Variants in NDC1 observed in about 807,000 individuals in gnomAD.
The protein encoded by NDC1 is nucleoporin NDC1.
In NDC1, 24 loss-of-function variants were observed where a neutral mutation model predicts 89.8. That is an observed-to-expected ratio of 0.27 (90% CI 0.19 to 0.38). The LOEUF (loss-of-function observed/expected upper bound fraction) is 0.38. NDC1 is among the 10% of genes least tolerant of loss of function. The pLI is 1.00. For synonymous variants in NDC1, 296 were observed against 284.8 expected, an observed-to-expected ratio of 1.04 and a Z score of -0.39; for missense variants, 728 against 797.6, an observed-to-expected ratio of 0.91 and a Z score of 1.05.
chr1:53,797,529 T>C (rs1349884345), intron 11 of NDC1, among the ~76,000 whole-genome samples: 1 of 152,254 alleles, frequency 6.6e-6, no homozygotes, highest in African/African-American at 2.4e-5. Context: ...TTTTAAGTAT[T>C]ACTTGACTGA....
At chr1:53,807,112 T>A (rs912043464) in intron 8 of NDC1, among the ~76,000 whole-genome samples, 15 of 151,842 alleles carry the variant, frequency 9.9e-5, no homozygotes, top group Admixed American at 9.8e-4. Context: ...CCGGGCATGG[T>A]GGCACACGCC....
rs76488837 is a variant in NDC1 at position 53,779,177 on chromosome 1, T to C, written c.1801-6688A>G. Among the ~76,000 whole-genome samples, 152 of 143,038 alleles carry C rather than the reference T, an allele frequency of 1.1e-3. 2 individuals are homozygous for C. In the East Asian group the frequency reaches 0.027, roughly 25 times the overall value. The allele number at this position is 143,038 out of a possible 152,430, so 93.8% of individuals were successfully genotyped here. A position where few individuals can be genotyped will look rare whatever the true frequency, so the allele number is the denominator to read the frequency against. ...TAACATAGGAATAATGACAACAAAGTAGTAAGAGCTAACATTTACTAAGCA... is the reference window on the plus strand; with the variant it reads ...TAACATAGGAATAATGACAACAAAGCAGTAAGAGCTAACATTTACTAAGCA... On this transcript the variant is annotated intron_variant, in intron 16 of 17. Coordinates refer to ENST00000371429, the MANE Select transcript of NDC1 (RefSeq NM_018087.5).
intron 16 of NDC1, among the ~76,000 whole-genome samples, chr1:53,775,837 G>A (rs908526079): frequency 8.6e-5 from 13 of 151,940 alleles, no homozygotes; most frequent in African/African-American, 2.9e-4. Context: ...TGACTTACTA[G>A]ATAAGCATAC....
intron 9 of NDC1, among the ~76,000 whole-genome samples, chr1:53,804,421 G>A (rs1391144510): frequency 1.3e-5 from 2 of 152,138 alleles, no homozygotes; most frequent in Non-Finnish European, 2.9e-5. Context: ...ACAAGAAAAC[G>A]GAAAATCTTA....
At chr1:53,804,455 T>C (rs1648035121) in intron 9 of NDC1, among the ~76,000 whole-genome samples, 1 of 152,216 alleles carries the variant, frequency 6.6e-6, no homozygotes, top group Non-Finnish European at 1.5e-5. Flanking sequence ...CCAAAGGCAG[T>C]GCCTAGCACG....
chr1:53,819,086 G>A lies in NDC1; in HGVS notation c.595-7C>T, dbSNP rs1185116115. The stretch of plus-strand genomic sequence containing the variant: ...AACGCAAGAACTTGTATTGCTGTGG[G>A]GAAAAAAAAAAGAATCAAATGACAC... On this transcript the variant is annotated splice_region_variant and splice_polypyrimidine_tract_variant and intron_variant, in intron 5 of 17. Transcript: ENST00000371429. 1.4e-6 allele frequency: 2 copies of A among 1,394,804 alleles called. No homozygotes were observed. Among genetic ancestry groups the A allele is most frequent in the East Asian group, 2.3e-5 (1 of 43,156 alleles). The allele number at this position is 1,394,804 out of a possible 1,614,324, so 86.4% of individuals were successfully genotyped here. A position where few individuals can be genotyped will look rare whatever the true frequency, so the allele number is the denominator to read the frequency against.
At chr1:53,803,717 G>A (rs1382812451) in intron 10 of NDC1, among the ~76,000 whole-genome samples, 4 of 152,028 alleles carry the variant, frequency 2.6e-5, no homozygotes, top group African/African-American at 9.7e-5. Flanking sequence ...GACTACAGGC[G>A]CCCGCCACCA....
At chr1:53,824,780 T>A (rs911076880) in intron 5 of NDC1, among the ~76,000 whole-genome samples, 5 of 152,224 alleles carry the variant, frequency 3.3e-5, no homozygotes, top group African/African-American at 1.2e-4. Flanking sequence ...CTGTTTTATT[T>A]ATACAAACTT....
Position 53,831,094 on chromosome 1 carries a change from G to A in NDC1, c.280+1396C>T, listed in dbSNP as rs571610102. 2.6e-5 allele frequency among the ~76,000 whole-genome samples: 4 copies of A among 151,742 alleles called. No individual in the cohort carries two copies. The South Asian group carries it at 6.2e-4, about 24-fold the overall frequency. Reference sequence around the variant, plus strand: ...AACAAAATTAGCCAGGCATGGTGGCGGGTGCCTGTAGTCCCAGCTACTTGG... The same window carrying A: ...AACAAAATTAGCCAGGCATGGTGGCAGGTGCCTGTAGTCCCAGCTACTTGG... On this transcript the variant is annotated intron_variant, in intron 3 of 17. Transcript: ENST00000371429.
chr1:53,790,005 A>G (rs1647435141), intron 14 of NDC1, among the ~76,000 whole-genome samples: 1 of 151,866 alleles, frequency 6.6e-6, no homozygotes, highest in Non-Finnish European at 1.5e-5. Context: ...TGGGTGGCTG[A>G]GGCAGGAGAA....
chr1:53,838,125 G>A (rs1649300325), intron 1 of NDC1, 80 bp downstream of exon 1: 7 of 1,361,680 alleles, frequency 5.1e-6, no homozygotes, highest in South Asian at 1.3e-5. Flanking sequence ...GCCCTCCCCC[G>A]CCCAGCGCGC....
chr1:53,808,850 C>T (rs771548003), intron 7 of NDC1, among the ~76,000 whole-genome samples: 36 of 152,184 alleles, frequency 2.4e-4, no homozygotes, highest in Admixed American at 4.6e-4. Context: ...AAGTGAGAAA[C>T]CATAATATCT....
At chr1:53,771,024 T>TAA (rs1647108898) in intron 17 of NDC1, 1 of 152,886 alleles carries the variant, frequency 6.5e-6, no homozygotes, top group African/African-American at 2.4e-5. Flanking sequence ...AGGGGAATGT[T>TAA]ACAGTCCTGC....
chr1:53,809,506 C>A (rs888416737), intron 7 of NDC1, among the ~76,000 whole-genome samples, 189 bp downstream of exon 7: 22 of 152,244 alleles, frequency 1.4e-4, no homozygotes, highest in Admixed American at 8.5e-4. Context: ...CAAGTACCAC[C>A]AAGTCCTGCT....
At chr1:53,789,076 A>T in intron 15 of NDC1, 57 bp downstream of exon 15, 2 of 1,107,374 alleles carry the variant, frequency 1.8e-6, no homozygotes, top group South Asian at 2.6e-5. Context: ...CATGAATTAT[A>T]CTTCAATATT....
intron 13 of NDC1, among the ~76,000 whole-genome samples, chr1:53,793,928 T>C (rs1647607592): frequency 6.6e-6 from 1 of 151,884 alleles, no homozygotes; most frequent in Non-Finnish European, 1.5e-5. Flanking sequence ...TCCTGCCCTT[T>C]AACCTTTTAA....
intron 2 of NDC1, among the ~76,000 whole-genome samples, 183 bp from the exon 3 acceptor site, chr1:53,832,774 T>C (rs888302615): frequency 6.6e-6 from 1 of 152,172 alleles, no homozygotes; most frequent in Non-Finnish European, 1.5e-5. Context: ...AACTACAGTG[T>C]GGGCTGGGCA....
intron 13 of NDC1, among the ~76,000 whole-genome samples, chr1:53,794,409 G>A (rs1305407702): frequency 6.6e-6 from 1 of 152,174 alleles, no homozygotes; most frequent in African/African-American, 2.4e-5. Context: ...CTAGTCAGAA[G>A]GCTGCAGCAA....
At chr1:53,797,550 T>C (rs1647760055) in intron 11 of NDC1, among the ~76,000 whole-genome samples, 1 of 152,226 alleles carries the variant, frequency 6.6e-6, no homozygotes, top group Non-Finnish European at 1.5e-5. Context: ...ACATACCAAA[T>C]CTATATTGTG....
Sources: allele counts gnomAD v4.1 joint callset (sites outside exome capture counted in the v4.1 genomes callset), GRCh38; gene constraint gnomAD v4.1.1; transcripts MANE v1.5; gene names NCBI Gene and HGNC (gene_info 2026-07-23, HGNC 2026-07-21).